CCDC171: variants seen among roughly 807,000 people sequenced by gnomAD.
CCDC171 encodes coiled-coil domain-containing protein 171.
A neutral mutation model predicts 168.2 loss-of-function variants in CCDC171; 177 were observed. That is an observed-to-expected ratio of 1.05 (90% confidence interval 0.93 to 1.19). The LOEUF is 1.19. Among genes scored for constraint, CCDC171 ranks in the 50% most tolerant of loss-of-function variants. The pLI is 0.00. For missense variants in CCDC171, 1,991 were observed against 1,539.0 expected, an observed-to-expected ratio of 1.29 and a Z score of -4.91; for synonymous variants, 687 against 540.8, an observed-to-expected ratio of 1.27 and a Z score of -3.75.
chr9:15,909,510 A>G (rs887818161), intron 24 of CCDC171, among the ~76,000 whole-genome samples: 2 of 152,160 alleles, frequency 1.3e-5, no homozygotes, highest in Non-Finnish European at 2.9e-5. Flanking sequence ...TTTTACTGGA[A>G]TGGAATGTCC....
At chr9:15,697,368 G>A (rs899214953) in intron 11 of CCDC171, among the ~76,000 whole-genome samples, 1 of 152,048 alleles carries the variant, frequency 6.6e-6, no homozygotes, top group African/African-American at 2.4e-5. Context: ...TACCTTTTGG[G>A]ATCTGTTAAC....
In CCDC171 at chr9:15,741,003, C is replaced by A. The variant is rs946626131; in HGVS notation, c.2050-3270C>A. Among the ~76,000 whole-genome samples, 6 of 152,020 alleles carry A rather than the reference C, an allele frequency of 3.9e-5. 1 individual carries two copies. Among genetic ancestry groups the A allele is most frequent in the Admixed American group, 3.9e-4 (6 of 15,264 alleles). The stretch of plus-strand genomic sequence containing the variant: ...TCATATAGATTTTTTACATTTCAGG[C>A]CAAATTGATTCCTAAATTATTATAT... On this transcript the variant is annotated intron_variant, in intron 16 of 25. Transcript: ENST00000380701.
At chr9:15,737,057 C>T (rs1000970961) in intron 16 of CCDC171, among the ~76,000 whole-genome samples, 5 of 151,152 alleles carry the variant, frequency 3.3e-5, no homozygotes, top group Non-Finnish European at 7.4e-5. Context: ...TGGTAGTTCT[C>T]TTAATTTGTA....
intron 21 of CCDC171, among the ~76,000 whole-genome samples, chr9:15,814,782 A>G (rs1220614804): frequency 6.6e-6 from 1 of 152,174 alleles, no homozygotes; most frequent in East Asian, 1.9e-4. Flanking sequence ...TCTTTCTGAA[A>G]AAACAAATCT....
the CCDC171 span, among the ~76,000 whole-genome samples, chr9:16,088,443 A>T: frequency 6.6e-6 from 1 of 152,196 alleles, no homozygotes; most frequent in Non-Finnish European, 1.5e-5. Flanking sequence ...TCTGTTTGCA[A>T]ATGACATGAT....
intron 10 of CCDC171, among the ~76,000 whole-genome samples, chr9:15,691,137 T>C (rs1006160956): frequency 6.6e-6 from 1 of 151,970 alleles, no homozygotes; most frequent in East Asian, 1.9e-4. Flanking sequence ...AAAGAACATA[T>C]GTAAGAATGT....
intron 1 of CCDC171, among the ~76,000 whole-genome samples, chr9:16,059,965 A>G (rs1434496408): frequency 6.6e-6 from 1 of 152,168 alleles, no homozygotes; most frequent in Admixed American, 6.5e-5. Context: ...GGAACAGTTA[A>G]TTCTGCTGTG....
intron 3 of CCDC171, among the ~76,000 whole-genome samples, chr9:15,576,708 G>A (rs965728575): frequency 1.3e-5 from 2 of 152,130 alleles, no homozygotes; most frequent in South Asian, 2.1e-4. Context: ...ACTTAGAGAC[G>A]ATATCCACGT....
At chr9:15,995,646 A>G (rs1391838498) in intron 3 of CCDC171, among the ~76,000 whole-genome samples, 1 of 152,256 alleles carries the variant, frequency 6.6e-6, no homozygotes, top group East Asian at 1.9e-4. Flanking sequence ...TTCTCGTATC[A>G]GATTTTAATC....
the CCDC171 span, among the ~76,000 whole-genome samples, chr9:16,068,539 G>T: frequency 2.0e-5 from 3 of 152,268 alleles, no homozygotes; most frequent in South Asian, 6.2e-4. Flanking sequence ...ACCATTCTCA[G>T]TTCAAACTCT....
chr9:16,036,217 C>G (rs535577602), intron 8 of CCDC171: 1 of 152,188 alleles, frequency 6.6e-6, no homozygotes, highest in Non-Finnish European at 1.5e-5. Flanking sequence ...GTGAGAAAGA[C>G]ACAGAAACTA....
intron 1 of CCDC171, among the ~76,000 whole-genome samples, chr9:15,560,000 T>C (rs1458737221): frequency 1.3e-5 from 2 of 152,188 alleles, no homozygotes; most frequent in East Asian, 3.8e-4. Context: ...AAGCTTAGTT[T>C]GGCTGGATAT....
At chr9:15,684,640 G>T (rs2050258968) in intron 10 of CCDC171, among the ~76,000 whole-genome samples, 1 of 152,116 alleles carries the variant, frequency 6.6e-6, no homozygotes, top group Admixed American at 6.6e-5. Flanking sequence ...ATAAAAAAGA[G>T]AAGATGATTA....
chr9:15,887,216 C>T (rs1008189352), intron 24 of CCDC171, among the ~76,000 whole-genome samples: 1 of 152,056 alleles, frequency 6.6e-6, no homozygotes, highest in African/African-American at 2.4e-5. Flanking sequence ...TAAATAATCA[C>T]ATTATATCCC....
chr9:15,741,457 A>G (rs2054875868), intron 16 of CCDC171, among the ~76,000 whole-genome samples: 1 of 152,126 alleles, frequency 6.6e-6, no homozygotes, highest in Non-Finnish European at 1.5e-5. Flanking sequence ...ATGTATTAGT[A>G]CTTCATTCCT....
At chr9:15,967,955 T>C (rs1830967487) in intron 25 of CCDC171, among the ~76,000 whole-genome samples, 1 of 152,258 alleles carries the variant, frequency 6.6e-6, no homozygotes, top group South Asian at 2.1e-4. Context: ...ATTAGACTAA[T>C]GCTTTATTTA....
At chr9:15,604,311 A>G (rs1325552957) in intron 6 of CCDC171, among the ~76,000 whole-genome samples, 1 of 152,124 alleles carries the variant, frequency 6.6e-6, no homozygotes, top group Non-Finnish European at 1.5e-5. Flanking sequence ...TGAGTTTGTC[A>G]TGAAATCTTT....
intron 3 of CCDC171, among the ~76,000 whole-genome samples, chr9:15,980,381 C>T (rs1831755182): frequency 2.0e-5 from 3 of 152,110 alleles, no homozygotes; most frequent in African/African-American, 4.8e-5. Context: ...TTAAGGTCCC[C>T]CTAGCCCCAG....
chr9:15,814,078 T>A (rs1211039148), intron 21 of CCDC171, among the ~76,000 whole-genome samples: 6 of 152,184 alleles, frequency 3.9e-5, no homozygotes, highest in African/African-American at 1.4e-4. Flanking sequence ...GGGATTCCTT[T>A]GGAAAGGGAT....
Sources: allele counts gnomAD v4.1 joint callset (sites outside exome capture counted in the v4.1 genomes callset), GRCh38; gene constraint gnomAD v4.1.1; transcripts MANE v1.5; gene names NCBI Gene and HGNC (gene_info 2026-07-23, HGNC 2026-07-21).